MEOX1: variants seen among roughly 807,000 people sequenced by gnomAD.
MEOX1 encodes homeobox protein MOX-1.
A neutral mutation model predicts 23.2 loss-of-function variants in MEOX1; 17 were observed. The observed-to-expected ratio is 0.73, with a 90% CI of 0.50 to 1.10. MEOX1 has a LOEUF of 1.10. Among genes scored for constraint, MEOX1 ranks in the 50% least tolerant of loss-of-function variants. The pLI, the probability that MEOX1 is intolerant of heterozygous loss-of-function variation, is 0.00. For missense variants in MEOX1, 333 were observed against 332.2 expected (o/e 1.00, Z -0.02); for synonymous variants, 134 against 135.1 (o/e 0.99, Z 0.06).
chr17:43,658,319 C>T (rs1352334337), intron 1 of MEOX1, among the ~76,000 whole-genome samples: 1 of 152,082 alleles, frequency 6.6e-6, no homozygotes, highest in African/African-American at 2.4e-5. Flanking sequence ...CCATCCTGAC[C>T]AACATGGTAA....
chr17:43,655,431 A>T (rs892894747), intron 1 of MEOX1, among the ~76,000 whole-genome samples: 1 of 151,742 alleles, frequency 6.6e-6, no homozygotes, highest in African/African-American at 2.4e-5. Flanking sequence ...AGATCGCGCC[A>T]CTGCACTCCA....
At chr17:43,655,592 G>T (rs537221207) in intron 1 of MEOX1, among the ~76,000 whole-genome samples, 1 of 148,390 alleles carries the variant, frequency 6.7e-6, no homozygotes, top group Admixed American at 6.9e-5. Context: ...GGGAGGCCAA[G>T]GTGGGAGGAC....
At chr17:43,647,923 G>A (rs1449807387) in intron 1 of MEOX1, among the ~76,000 whole-genome samples, 1 of 152,204 alleles carries the variant, frequency 6.6e-6, no homozygotes, top group African/African-American at 2.4e-5. Context: ...TGGGAGGGCG[G>A]TTGTCCCTTG....
At chr17:43,644,456 A>T (rs550824055) in intron 1 of MEOX1, among the ~76,000 whole-genome samples, 29 of 152,372 alleles carry the variant, frequency 1.9e-4, no homozygotes, top group South Asian at 1.4e-3. Flanking sequence ...CCTGACATAT[A>T]TTAGCCTCTT....
chr17:43,660,786 TC>T (rs1336997832), intron 1 of MEOX1, among the ~76,000 whole-genome samples: 2 of 152,088 alleles, frequency 1.3e-5, no homozygotes, highest in African/African-American at 4.8e-5. Flanking sequence ...ACCCAGAGGA[TC>T]CATTTCACGT....
intron 1 of MEOX1, among the ~76,000 whole-genome samples, chr17:43,655,353 C>A (rs1234469977): frequency 6.6e-6 from 1 of 151,830 alleles, no homozygotes; most frequent in Non-Finnish European, 1.5e-5. Flanking sequence ...TGCCTGTAGT[C>A]CCAGCTACTT....
rs80349620 is a variant in MEOX1, at chr17:43,641,933, T to G, written c.742A>C (p.Thr248Pro). ...TCTCACTCTGAACTTGGAGAGGCTG[T>G]GGAGTCCCCATCCTCAGGGTCCTGC... Reference protein sequence around the residue: ...NGQDPEDGDSTASPSSE With the variant: ...NGQDPEDGDSPASPSSE The change falls in exon 3 of 3, where the codon ACA (threonine) becomes CCA (proline). Residue 248 changes from threonine (T) to proline (P), a missense_variant. Physicochemically the swap from Thr to Pro is conservative, Grantham distance 38. Transcript: ENST00000318579. 1 of 1,613,846 alleles carries G rather than the reference T, an allele frequency of 6.2e-7. No homozygotes were observed. The highest frequency in any genetic ancestry group is 8.5e-7 in the Non-Finnish European group (1 of 1,179,876).
intron 1 of MEOX1, among the ~76,000 whole-genome samples, chr17:43,650,436 C>A (rs910121026): frequency 6.6e-6 from 1 of 152,098 alleles, no homozygotes; most frequent in Admixed American, 6.6e-5. Context: ...CACATTAGCC[C>A]GTTGAACATA....
At position 43,644,600 on chromosome 17, in the gene MEOX1, G is replaced by A. The variant is rs139267235; in HGVS notation, c.470-940C>T. Among the ~76,000 whole-genome samples, 99 of 152,314 alleles carry A rather than the reference G, an allele frequency of 6.5e-4. 1 individual carries two copies. The Middle Eastern group carries it at 0.01, about 16-fold the overall frequency. On this transcript the variant is annotated intron_variant, in intron 1 of 2. Coordinates refer to ENST00000318579, the MANE Select transcript of MEOX1 (RefSeq NM_004527.4). ...TGTGGGAGACAAGAATTAAATTCAG[G>A]CGATTTGACACACACATACTGTTCA...
At chr17:43,645,169 A>ATAT (rs1567742598) in intron 1 of MEOX1, among the ~76,000 whole-genome samples, 16 of 129,710 alleles carry the variant, frequency 1.2e-4, no homozygotes, top group Non-Finnish European at 1.9e-4. Context: ...TTCATTAATT[A>ATAT]TCTTTTTTTT....
intron 1 of MEOX1, among the ~76,000 whole-genome samples, chr17:43,660,525 C>T (rs964222913): frequency 6.6e-6 from 1 of 152,218 alleles, no homozygotes; most frequent in African/African-American, 2.4e-5. Context: ...CCCCTTGATT[C>T]TCCCATCCCA....
rs778981966 is a variant in MEOX1 at position 43,661,264 on chromosome 17, A to G, written c.271T>C (p.Ser91Pro). ...GAGACAGGGAAGTGCCAGTTGGGGG[A>G]CTGTGGGAAAGCGGGGTGCTGCTCA... ...FTEQHPAFPQ[S>P]PNWHFPVSDA... The change falls in exon 1 of 3, where the codon TCC becomes CCC. Residue 91 changes from serine to proline, a missense_variant. Coordinates refer to ENST00000318579, the MANE Select transcript of MEOX1 (RefSeq NM_004527.4). 1 of 1,609,048 alleles carries G rather than the reference A, an allele frequency of 6.2e-7. No individual in the cohort carries two copies. Among genetic ancestry groups the G allele is most frequent in the African/African-American group, 1.3e-5 (1 of 74,890 alleles).
chr17:43,644,673 T>G (rs1372973643), intron 1 of MEOX1, among the ~76,000 whole-genome samples: 1 of 152,024 alleles, frequency 6.6e-6, no homozygotes, highest in Non-Finnish European at 1.5e-5. Flanking sequence ...CCCAGCACTT[T>G]GGGAGGCCAA....
chr17:43,645,939 C>A (rs753811233), intron 1 of MEOX1, among the ~76,000 whole-genome samples: 21 of 152,252 alleles, frequency 1.4e-4, no homozygotes, highest in Non-Finnish European at 2.6e-4. Context: ...GCCTGGCCCA[C>A]CTCGCGCTGC....
In MEOX1 at chr17:43,661,601, T is replaced by C; in HGVS notation, c.-67A>G. The C allele has an allele frequency of 2.0e-6, 2 of 978,996 alleles. No homozygotes were observed. The highest frequency in any genetic ancestry group is 2.7e-6 in the Non-Finnish European group (2 of 737,278). The allele number at this position is 978,996 out of a possible 1,614,324, so 60.6% of individuals were successfully genotyped here. A position where few individuals can be genotyped will look rare whatever the true frequency, so the allele number is the denominator to read the frequency against. On this transcript the variant is annotated 5_prime_UTR_variant, in exon 1 of 3. Transcript: ENST00000318579. ...TCTTTATACTTTTTATGTTCAAATT[T>C]TTAAAAATGCAAAAGAAAAAAAACT...
rs145290029 is a variant in MEOX1 at position 43,641,920 on chromosome 17, C to T, written c.755G>A (p.Ser252Asn). The T allele has an allele frequency of 2.8e-4, 452 of 1,613,030 alleles. No individual in the cohort carries two copies. The highest frequency in any genetic ancestry group is 8.9e-4 in the Admixed American group (53 of 59,856). Reference sequence around the variant, plus strand: ...CCTCCATGCAGAATCTCACTCTGAACTTGGAGAGGCTGTGGAGTCCCCATC... The same window carrying T: ...CCTCCATGCAGAATCTCACTCTGAATTTGGAGAGGCTGTGGAGTCCCCATC... ...PEDGDSTASP[S>N]SE Residue 252 changes from serine to asparagine, a missense_variant, in exon 3 of 3, where the codon AGT (serine) becomes AAT (asparagine). Coordinates refer to ENST00000318579, the MANE Select transcript of MEOX1 (RefSeq NM_004527.4).
Position 43,661,602 on chromosome 17 carries a change from T to G in MEOX1, c.-68A>C. The G allele has an allele frequency of 1.0e-6, 1 of 972,614 alleles. No individual in the cohort carries two copies. The highest frequency in any genetic ancestry group is 1.4e-6 in the Non-Finnish European group (1 of 732,496). The allele number at this position is 972,614 out of a possible 1,614,324, so 60.2% of individuals were successfully genotyped here. A position where few individuals can be genotyped will look rare whatever the true frequency, so the allele number is the denominator to read the frequency against. On this transcript the variant is annotated 5_prime_UTR_variant, in exon 1 of 3. Coordinates refer to ENST00000318579, the MANE Select transcript of MEOX1 (RefSeq NM_004527.4). ...CTTTATACTTTTTATGTTCAAATTT[T>G]TAAAAATGCAAAAGAAAAAAAACTA...
chr17:43,653,005 T>A (rs532606212), intron 1 of MEOX1, among the ~76,000 whole-genome samples: 2 of 151,736 alleles, frequency 1.3e-5, no homozygotes, highest in African/African-American at 2.4e-5. Flanking sequence ...CTAATTTTTT[T>A]ATATTTTTAG....
intron 1 of MEOX1, among the ~76,000 whole-genome samples, chr17:43,654,316 C>A (rs1218651588): frequency 6.6e-6 from 1 of 152,028 alleles, no homozygotes; most frequent in Non-Finnish European, 1.5e-5. Context: ...CGAGACCAGC[C>A]TGGCCAACAT....
Sources: gnomAD v4.1 joint callset for allele counts (sites outside exome capture counted in the v4.1 genomes callset) on GRCh38, gnomAD v4.1.1 for gene constraint, MANE v1.5 for transcripts, NCBI Gene and HGNC (gene_info 2026-07-23, HGNC 2026-07-21) for gene names.